DDX18: variants seen among roughly 807,000 people sequenced by gnomAD.
The protein encoded by DDX18 is ATP-dependent RNA helicase DDX18.
In DDX18, 23 loss-of-function variants were observed where a neutral mutation model predicts 73.5. The observed-to-expected ratio is 0.31, with a 90% CI of 0.23 to 0.44. The LOEUF is 0.44. Ranked by LOEUF, DDX18 falls within the 20% of genes least tolerant of loss-of-function variation. The pLI is 1.00. For missense variants in DDX18, 753 were observed against 792.9 expected (o/e 0.95, Z 0.60); for synonymous variants, 268 against 282.7 (o/e 0.95, Z 0.52).
In DDX18 at chr2:117,815,131, C is replaced by T. The variant is rs76807156; in HGVS notation, c.85+269C>T. On this transcript the variant is annotated intron_variant, in intron 1 of 13. Coordinates refer to ENST00000263239, the MANE Select transcript of DDX18 (RefSeq NM_006773.4). The stretch of plus-strand genomic sequence containing the variant: ...GACTCCCCGTTCACTTCTAGGCTTA[C>T]GACTAACCCTGCCTTTTGCATTTCC... 1.5e-3 allele frequency: 705 copies of T among 477,000 alleles called. 5 individuals carry two copies. Among genetic ancestry groups the T allele is most frequent in the African/African-American group, 0.012 (602 of 51,102 alleles). 29.5% of individuals were successfully genotyped at this position (477,000 alleles called of 1,614,324 possible).
chr2:117,817,382 T>A, intron 1 of DDX18, 62 bp from the exon 2 acceptor site: 1 of 1,453,398 alleles, frequency 6.9e-7, no homozygotes, highest in Non-Finnish European at 9.2e-7. Flanking sequence ...ATTTGGGATT[T>A]CAGTGTTTCT....
chr2:117,823,968 GCATTTCTAGAATAAACCTGATC>G (rs1450987902), intron 7 of DDX18, among the ~76,000 whole-genome samples: 10 of 152,124 alleles, frequency 6.6e-5, no homozygotes, highest in Admixed American at 3.3e-4. Context: ...GAACCAACCT[GCATTTCTAGAATAAACCTGATC>G]CATTTCTAGA....
intron 13 of DDX18, 96 bp from the exon 14 acceptor site, chr2:117,830,486 G>C: frequency 7.3e-7 from 1 of 1,375,116 alleles, no homozygotes; most frequent in Non-Finnish European, 9.8e-7. Context: ...GGGTTGTGGA[G>C]GAACAGTAGT....
rs767072075 is a variant in DDX18 at position 117,830,535 on chromosome 2, G to A, written c.1871-47G>A. On this transcript the variant is annotated intron_variant, in intron 13 of 13. Transcript: ENST00000263239. ...TTTTTCTCTGTGTAGATGTTAGATT[G>A]GAGTTCATTATCTTTTTTGCTTGAT... The A allele has an allele frequency of 1.9e-6, 3 of 1,598,216 alleles. No individual in the cohort carries two copies. The East Asian group carries it at 6.7e-5, about 36-fold the overall frequency.
Position 117,826,367 on chromosome 2 carries a change from C to T in DDX18, c.1620C>T (p.Tyr540=). The change falls in exon 11 of 14, where the codon TAC becomes TAT. Residue 540 remains tyrosine (Y), a synonymous_variant. Coordinates refer to ENST00000263239, the MANE Select transcript of DDX18 (RefSeq NM_006773.4). ...LRPEELGFLR[Y]LKQSKVPLSE... Reference sequence around the variant, plus strand: ...CAGAAGAATTGGGTTTTCTTCGCTACTTGAAACAATCCAAGGTAAAGATCT... The same window carrying T: ...CAGAAGAATTGGGTTTTCTTCGCTATTTGAAACAATCCAAGGTAAAGATCT... The T allele has an allele frequency of 1.2e-6, 2 of 1,613,832 alleles. No homozygotes were observed. Among genetic ancestry groups the T allele is most frequent in the East Asian group, 2.2e-5 (1 of 44,874 alleles).
rs1224623180 is a variant in DDX18 at position 117,831,804 on chromosome 2, G to A, written c.*1080G>A. ...GATTTAGTCAGATGAGTTTTTCGTT[G>A]TAGGAGCACTTGATTTCTAGTGTGT... is the stretch of plus-strand genomic sequence containing the variant. On this transcript the variant is annotated 3_prime_UTR_variant, in exon 14 of 14. Coordinates refer to ENST00000263239, the MANE Select transcript of DDX18 (RefSeq NM_006773.4). 1.3e-5 allele frequency: 2 copies of A among 152,182 alleles called. No individual in the cohort carries two copies. The highest frequency in any genetic ancestry group is 1.5e-5 in the Non-Finnish European group (1 of 68,024). 9.4% of individuals were successfully genotyped at this position (152,182 alleles called of 1,614,324 possible).
chr2:117,829,387 G>T lies in DDX18; in HGVS notation c.1791G>T (p.Gln597His). Residue 597 changes from glutamine to histidine, a missense_variant, in exon 13 of 14, where the codon CAG (glutamine) becomes CAT (histidine). Around this residue, in one of 3 missense-constraint regions of DDX18, gnomAD observed 402 missense variants for 419.4 expected, o/e 0.96. Transcript: ENST00000263239. ...CCTATGATTCCCATTCTCTGAAACA[G>T]ATCTTTAATGTTAATAACCTAAATT... ...IRAYDSHSLK[Q>H]IFNVNNLNLP... The T allele has an allele frequency of 1.2e-6, 2 of 1,614,102 alleles. No homozygotes were observed. Among genetic ancestry groups the T allele is most frequent in the Non-Finnish European group, 1.7e-6 (2 of 1,180,000 alleles).
In DDX18 at chr2:117,830,553, TG is replaced by T; in HGVS notation, c.1871-28del. On this transcript the variant is annotated intron_variant, in intron 13 of 13. Transcript: ENST00000263239. ...TTAGATTGGAGTTCATTATCTTTTT[TG>T]CTTGATTTCCTTAATGTTTGCCTCC... 6.2e-6 allele frequency: 10 copies of T among 1,604,702 alleles called. 1 individual carries two copies. The South Asian group carries it at 1.1e-4, about 18-fold the overall frequency.
rs1679900851 is a variant in DDX18, at chr2:117,824,971, T to G, written c.1238T>G (p.Phe413Cys). 8 of 1,612,222 alleles carry G rather than the reference T, an allele frequency of 5.0e-6. No homozygotes were observed. The East Asian group carries it at 1.8e-4, about 36-fold the overall frequency. Residue 413 changes from phenylalanine to cysteine, a missense_variant, in exon 9 of 14, where the codon TTC becomes TGC. Around this residue, in one of 3 missense-constraint regions of DDX18, gnomAD observed 402 missense variants for 419.4 expected, o/e 0.96. Transcript: ENST00000263239. The stretch of plus-strand genomic sequence containing the variant: ...GTTGTTTGTCCTTCTGAAAAGAGAT[T>G]CCTTCTGCTCTTTACATTCCTTAAG... ...GYVVCPSEKRFLLLFTFLKKN... is the reference protein window; with the variant it reads ...GYVVCPSEKRCLLLFTFLKKN...
intron 1 of DDX18, among the ~76,000 whole-genome samples, chr2:117,816,149 G>C (rs747244015): frequency 6.6e-6 from 1 of 152,212 alleles, no homozygotes; most frequent in Admixed American, 6.5e-5. Flanking sequence ...TACCCTGAGC[G>C]AGTCAGTGAG....
intron 1 of DDX18, among the ~76,000 whole-genome samples, chr2:117,816,507 TG>T (rs1460280315): frequency 6.6e-6 from 1 of 152,208 alleles, no homozygotes; most frequent in African/African-American, 2.4e-5. Flanking sequence ...CTTGTCCCAC[TG>T]GAAGATCTTC....
intron 10 of DDX18, 88 bp downstream of exon 10, chr2:117,825,687 A>G (rs991888235): frequency 6.7e-7 from 1 of 1,486,500 alleles, no homozygotes; most frequent in Non-Finnish European, 9.2e-7. Flanking sequence ...ACTGCATTCC[A>G]CATTCAAGGT....
In DDX18 at chr2:117,829,421, G is replaced by T; in HGVS notation, c.1825G>T (p.Val609Phe). 3 of 1,613,390 alleles carry T rather than the reference G, an allele frequency of 1.9e-6. No homozygotes were observed. The highest frequency in any genetic ancestry group is 1.7e-6 in the Non-Finnish European group (2 of 1,179,850). Residue 609 changes from valine to phenylalanine, a missense_variant, in exon 13 of 14, where the codon GTT becomes TTT. By Grantham distance (50) the Val-to-Phe change is conservative (BLOSUM62 -1). This residue lies in a region of DDX18 where 402 missense variants were observed against 419.4 expected (regional missense o/e 0.96). Transcript: ENST00000263239. ...FNVNNLNLPQ[V>F]ALSFGFKVPP... ...TGTTAATAACCTAAATTTGCCTCAG[G>T]TTGCTCTGTCATTTGGTTTCAAGGT...
chr2:117,830,858 C>A lies in DDX18; in HGVS notation c.*134C>A. ...AGTATAAATTGACTTGGGTTGCAAGCACTGAGCACTGTTACTTCTATCACG... is the reference window on the plus strand; with the variant it reads ...AGTATAAATTGACTTGGGTTGCAAGAACTGAGCACTGTTACTTCTATCACG... On this transcript the variant is annotated 3_prime_UTR_variant, in exon 14 of 14. Coordinates refer to ENST00000263239, the MANE Select transcript of DDX18 (RefSeq NM_006773.4). 4.3e-6 allele frequency: 4 copies of A among 936,288 alleles called. No homozygotes were observed. The highest frequency in any genetic ancestry group is 4.9e-6 in the Non-Finnish European group (3 of 617,882). The allele number at this position is 936,288 out of a possible 1,614,324, so 58.0% of individuals were successfully genotyped here.
Position 117,832,305 on chromosome 2 carries a change from A to G in DDX18, c.*1581A>G, listed in dbSNP as rs1680040618. ...TTTTTTATCAAAAATTAAGTCATCT[A>G]CCTACTACTTGTAACCAGCTTGTTT... is the stretch of plus-strand genomic sequence containing the variant. On this transcript the variant is annotated 3_prime_UTR_variant, in exon 14 of 14. Transcript: ENST00000263239. 1 of 152,060 alleles carries G rather than the reference A, an allele frequency of 6.6e-6. No individual in the cohort carries two copies. The highest frequency in any genetic ancestry group is 2.1e-4 in the South Asian group (1 of 4,822). 9.4% of individuals were successfully genotyped at this position (152,060 alleles called of 1,614,324 possible). A position where few individuals can be genotyped will look rare whatever the true frequency, so the allele number is the denominator to read the frequency against.
chr2:117,830,548 T>A lies in DDX18; in HGVS notation c.1871-34T>A, dbSNP rs1311053292. 1.9e-6 allele frequency: 3 copies of A among 1,604,078 alleles called. No individual in the cohort carries two copies. In the African/African-American group the frequency reaches 4.1e-5, roughly 22 times the overall value. On this transcript the variant is annotated intron_variant, in intron 13 of 13. Transcript: ENST00000263239. Reference sequence around the variant, plus strand: ...AGATGTTAGATTGGAGTTCATTATCTTTTTTGCTTGATTTCCTTAATGTTT... The same window carrying A: ...AGATGTTAGATTGGAGTTCATTATCATTTTTGCTTGATTTCCTTAATGTTT...
At chr2:117,825,736 G>C in intron 10 of DDX18, 137 bp downstream of exon 10, 1 of 1,051,920 alleles carries the variant, frequency 9.5e-7, no homozygotes, top group Middle Eastern at 2.1e-4. Context: ...TATTTCTCTG[G>C]TATTGAAAAG....
At chr2:117,817,415 C>T in intron 1 of DDX18, 29 bp from the exon 2 acceptor site, 1 of 1,527,946 alleles carries the variant, frequency 6.5e-7, no homozygotes, top group Non-Finnish European at 8.8e-7. Context: ...CCTTCTTTGT[C>T]ACAGTATATG....
At position 117,814,724 on chromosome 2, in the gene DDX18, A is replaced by G; in HGVS notation, c.-54A>G. ...CCGGAAGGGAAGTAACGTCAGCCTG[A>G]GAACTGAGTAGCTGTACTGTGTGGC... On this transcript the variant is annotated 5_prime_UTR_variant, in exon 1 of 14. Coordinates refer to ENST00000263239, the MANE Select transcript of DDX18 (RefSeq NM_006773.4). 6.3e-7 allele frequency: 1 copy of G among 1,575,348 alleles called. No homozygotes were observed. The highest frequency in any genetic ancestry group is 8.7e-7 in the Non-Finnish European group (1 of 1,147,856).
Sources: allele counts gnomAD v4.1 joint callset (sites outside exome capture counted in the v4.1 genomes callset), GRCh38; gene constraint gnomAD v4.1.1; regional missense constraint gnomAD v4.1.1; transcripts MANE v1.5; gene names NCBI Gene and HGNC (gene_info 2026-07-23, HGNC 2026-07-21).